The following BLTP3A variants were observed in gnomAD, a reference collection of about 807,000 sequenced individuals.
BLTP3A encodes the protein bridge-like lipid transfer protein family member 3A, also known as ICBP90 binding protein 1.
At chr6:34,842,026 C>A in the BLTP3A span, among the ~76,000 whole-genome samples, 1 of 152,164 alleles carries the variant, frequency 6.6e-6, no homozygotes, top group Non-Finnish European at 1.5e-5. Flanking sequence ...CCATTTATAT[C>A]TCATATATGA....
At chr6:34,844,411 A>G in the BLTP3A span, among the ~76,000 whole-genome samples, 1 of 152,148 alleles carries the variant, frequency 6.6e-6, no homozygotes, top group Admixed American at 6.5e-5. Context: ...AGTAGCTGGG[A>G]TTACAGGCAC....
At chr6:34,845,649 T>A in the BLTP3A span, among the ~76,000 whole-genome samples, 1 of 152,002 alleles carries the variant, frequency 6.6e-6, no homozygotes, top group African/African-American at 2.4e-5. Context: ...CAGGCTGGAG[T>A]GCAGTGGTAC....
At chr6:34,797,136 G>A in the BLTP3A span, among the ~76,000 whole-genome samples, 1 of 152,056 alleles carries the variant, frequency 6.6e-6, no homozygotes. Flanking sequence ...ATAAAGAGTC[G>A]CTATATAATG....
the BLTP3A span, chr6:34,874,702 G>C: frequency 2.6e-5 from 4 of 152,270 alleles, no homozygotes; most frequent in African/African-American, 9.6e-5. Context: ...CATTGCTGAG[G>C]GGGAGGAGAG....
chr6:34,811,968 A>G, the BLTP3A span, among the ~76,000 whole-genome samples: 1 of 152,112 alleles, frequency 6.6e-6, no homozygotes, highest in Non-Finnish European at 1.5e-5. Context: ...TTGAGGTTAC[A>G]GAGAGCTATG....
chr6:34,836,945 T>C, the BLTP3A span, among the ~76,000 whole-genome samples: 1,261 of 152,310 alleles, frequency 8.3e-3, 9 homozygotes, highest in Non-Finnish European at 0.012. Context: ...ACCACTTAAT[T>C]TTCTGCTTAA....
the BLTP3A span, among the ~76,000 whole-genome samples, chr6:34,826,026 A>ATTCTTTTTTT: frequency 5.2e-5 from 4 of 76,648 alleles, 1 homozygote; most frequent in Admixed American, 1.2e-4. Flanking sequence ...TACATTTTGC[A>ATTCTTTTTTT]TTTTTTTTTT....
At chr6:34,871,766 G>A in the BLTP3A span, 1 of 1,611,772 alleles carries the variant, frequency 6.2e-7, no homozygotes, top group East Asian at 2.2e-5. Context: ...CCTAGGAACT[G>A]TTTGGGAGTT....
At chr6:34,849,927 GTT>G in the BLTP3A span, among the ~76,000 whole-genome samples, 1 of 152,052 alleles carries the variant, frequency 6.6e-6, no homozygotes, top group Non-Finnish European at 1.5e-5. Context: ...GATCACCTGA[GTT>G]TGGGAATTTG....
At chr6:34,835,382 T>A in the BLTP3A span, 2 of 1,614,146 alleles carry the variant, frequency 1.2e-6, no homozygotes, top group Non-Finnish European at 1.7e-6. Context: ...CTCAAGGCTA[T>A]GATGAAGTAT....
the BLTP3A span, among the ~76,000 whole-genome samples, chr6:34,864,852 C>G: frequency 6.6e-6 from 1 of 151,976 alleles, no homozygotes; most frequent in Non-Finnish European, 1.5e-5. Flanking sequence ...CTTGTAATCT[C>G]AACTACTCGG....
the BLTP3A span, chr6:34,858,943 C>T: frequency 6.2e-7 from 1 of 1,614,126 alleles, no homozygotes; most frequent in Non-Finnish European, 8.5e-7. Context: ...GACTGGGTCT[C>T]CCCTGCAGAA....
At chr6:34,857,396 A>G in the BLTP3A span, 1 of 1,613,994 alleles carries the variant, frequency 6.2e-7, no homozygotes, top group Non-Finnish European at 8.5e-7. Context: ...AAACTTCACA[A>G]CCTCCCTACC....
the BLTP3A span, among the ~76,000 whole-genome samples, chr6:34,829,242 A>G: frequency 3.3e-5 from 5 of 152,070 alleles, no homozygotes; most frequent in African/African-American, 1.2e-4. Context: ...CTCCATACAT[A>G]TTAGCAGTCA....
the BLTP3A span, among the ~76,000 whole-genome samples, chr6:34,819,725 C>A: frequency 6.6e-6 from 1 of 152,166 alleles, no homozygotes; most frequent in Admixed American, 6.5e-5. Context: ...GTCTCCAGTT[C>A]AGCCTTGCAT....
At chr6:34,840,324 G>T in the BLTP3A span, among the ~76,000 whole-genome samples, 1 of 151,442 alleles carries the variant, frequency 6.6e-6, no homozygotes, top group East Asian at 2.0e-4. Context: ...TGCCAAAGGC[G>T]GGTGGGTCAC....
chr6:34,825,221 C>T, the BLTP3A span, among the ~76,000 whole-genome samples: 1 of 151,934 alleles, frequency 6.6e-6, no homozygotes. Context: ...AAAGGCTTGC[C>T]CTGATTGATT....
chr6:34,810,709 T>G, the BLTP3A span, among the ~76,000 whole-genome samples: 67,404 of 152,000 alleles, frequency 0.44, 16,910 homozygotes, highest in African/African-American at 0.69. Flanking sequence ...GCTCAAGCAT[T>G]CCTCCTGCCT....
the BLTP3A span, among the ~76,000 whole-genome samples, chr6:34,866,198 G>C: frequency 6.6e-6 from 1 of 152,106 alleles, no homozygotes; most frequent in Admixed American, 6.6e-5. Flanking sequence ...CAGATCAGGA[G>C]TTTGAGACCA....
Sources: allele counts gnomAD v4.1 joint callset (sites outside exome capture counted in the v4.1 genomes callset), GRCh38; gene constraint gnomAD v4.1.1; transcripts MANE v1.5; gene names NCBI Gene and HGNC (gene_info 2026-07-23, HGNC 2026-07-21).